The following C4orf50 variants were observed in gnomAD, a reference collection of about 807,000 sequenced individuals.
C4orf50 encodes chromosome 4 open reading frame 50.
A neutral mutation model predicts 77.2 loss-of-function variants in C4orf50; 80 were observed. The observed-to-expected ratio is 1.04, with a 90% CI of 0.87 to 1.25. The LOEUF is 1.25. Ranked by LOEUF, C4orf50 falls within the 50% of genes most tolerant of loss-of-function variation. The pLI is 0.00. For synonymous variants in C4orf50, 532 were observed against 465.3 expected (o/e 1.14, Z -1.84); for missense variants, 1,257 against 1,152.9 (o/e 1.09, Z -1.31).
chr4:5,936,886 T>C (rs1227741505), intron 7 of C4orf50, among the ~76,000 whole-genome samples: 8 of 152,044 alleles, frequency 5.3e-5, no homozygotes, highest in Non-Finnish European at 1.0e-4. Flanking sequence ...AGAAATTGAT[T>C]ACCTAAAAGT....
intron 7 of C4orf50, chr4:5,902,776 A>G (rs1716395772): frequency 6.6e-6 from 1 of 152,160 alleles, no homozygotes; most frequent in African/African-American, 2.4e-5. Flanking sequence ...CTGTCTTCAC[A>G]ATACTTCACG....
At chr4:5,965,181 G>C (rs370687802) in intron 32 of C4orf50, 36 bp from the exon 11 acceptor site, 23 of 1,600,162 alleles carry the variant, frequency 1.4e-5, no homozygotes, top group African/African-American at 2.7e-5. Context: ...CCTCCACCCA[G>C]GAACCTAGGT....
intron 7 of C4orf50, among the ~76,000 whole-genome samples, chr4:5,931,660 G>T (rs1422797389): frequency 1.3e-5 from 2 of 152,108 alleles, no homozygotes; most frequent in Non-Finnish European, 2.9e-5. Flanking sequence ...CAGCCCTTGT[G>T]ATGTCTGACG....
Position 6,018,224 on chromosome 4 carries a change from T to C in C4orf50, c.208A>G (p.Arg70Gly), listed in dbSNP as rs1349212981. 3 of 399,024 alleles carry C rather than the reference T, an allele frequency of 7.5e-6. No individual in the cohort carries two copies. The highest frequency in any genetic ancestry group is 1.3e-5 in the Non-Finnish European group (3 of 226,082). The allele number at this position is 399,024 out of a possible 1,614,324, so 24.7% of individuals were successfully genotyped here. ...TTCTGCTCGGAGGACTCCAGCTGCC[T>C]CCTGAGCGCACCCATATCCATGTCT... The change falls in exon 23 of 34, where the codon AGG becomes GGG. Residue 70 changes from arginine (R) to glycine (G), a missense_variant. Transcript: ENST00000531445. The surrounding 1 kb of genome is among the most constrained non-coding windows in gnomAD (Gnocchi z 5.1).
rs536408953 is a variant in C4orf50 at position 5,904,367 on chromosome 4, G to A, written c.*2475-6179C>T. 1.3e-5 allele frequency: 2 copies of A among 152,414 alleles called. 1 individual carries two copies. The highest frequency in any genetic ancestry group is 4.1e-4 in the South Asian group (2 of 4,824). 9.4% of individuals were successfully genotyped at this position (152,414 alleles called of 1,614,324 possible). ...GAGCTGAAATGAGGCTGCATGCCTG[G>A]GCACTTTGGGGTGCTGTGGTCAGTT... On this transcript the variant is annotated intron_variant, in intron 7 of 7. Transcript: ENST00000324058.
At position 6,018,165 on chromosome 4, in the gene C4orf50, C is replaced by T. The variant is rs763263586; in HGVS notation, c.267G>A (p.Ser89=). The change falls in exon 23 of 34, where the codon TCG becomes TCA. Residue 89 remains serine, a synonymous_variant. Coordinates refer to ENST00000531445, the Ensembl canonical transcript of C4orf50. The surrounding 1 kb of genome is among the most constrained non-coding windows in gnomAD (Gnocchi z 5.1). ...GCTACCTGCTTCTCAGCCCGGACTCCGATGTCACGTACTTGTCCTCTGCTG... is the reference window on the plus strand; with the variant it reads ...GCTACCTGCTTCTCAGCCCGGACTCTGATGTCACGTACTTGTCCTCTGCTG... The T allele has an allele frequency of 4.0e-5, 16 of 398,854 alleles. No individual in the cohort carries two copies. Among genetic ancestry groups the T allele is most frequent in the Non-Finnish European group, 5.3e-5 (12 of 226,080 alleles). 24.7% of individuals were successfully genotyped at this position (398,854 alleles called of 1,614,324 possible). A position where few individuals can be genotyped will look rare whatever the true frequency, so the allele number is the denominator to read the frequency against.
Position 5,919,450 on chromosome 4 carries a change from A to AG in C4orf50, c.*2475-21263dup, listed in dbSNP as rs1717173467. On this transcript the variant is annotated intron_variant, in intron 7 of 7. Coordinates refer to the C4orf50 transcript ENST00000324058. The surrounding 1 kb of genome is among the most constrained non-coding windows in gnomAD (Gnocchi z 6.5). ...GGGTGGGGGGCACACCCTTTCCTAA[A>AG]GGGGACTCACCTGCCTCATGCCTCA... 6.6e-6 allele frequency among the ~76,000 whole-genome samples: 1 copy of AG among 152,146 alleles called. No homozygotes were observed.
rs1318734229 is a variant in C4orf50 at position 6,015,665 on chromosome 4, G to T, written c.287+2480C>A. 6.6e-6 allele frequency among the ~76,000 whole-genome samples: 1 copy of T among 152,166 alleles called. No individual in the cohort carries two copies. The highest frequency in any genetic ancestry group is 1.5e-5 in the Non-Finnish European group (1 of 68,026). On this transcript the variant is annotated intron_variant, in intron 23 of 33. Transcript: ENST00000531445. The surrounding 1 kb of genome is among the most constrained non-coding windows in gnomAD (Gnocchi z 4.4). ...GCTTGGCGGCCAGAAGTCGGAATCA[G>T]TCTTCCTGAGCTAGTCGAGCTGTCA...
chr4:5,974,055 A>G (rs1314870827), intron 30 of C4orf50, among the ~76,000 whole-genome samples: 1 of 152,164 alleles, frequency 6.6e-6, no homozygotes, highest in East Asian at 1.9e-4. Flanking sequence ...GGGGCTCCGC[A>G]CTGCCCTTTC....
At chr4:6,003,696 TA>T (rs1238720088) in intron 25 of C4orf50, among the ~76,000 whole-genome samples, 1 of 137,718 alleles carries the variant, frequency 7.3e-6, no homozygotes, top group South Asian at 2.4e-4. Flanking sequence ...ATGGTGATGA[TA>T]GTGATGGTGA....
chr4:5,904,829 G>C lies in C4orf50; in HGVS notation c.*2475-6641C>G, dbSNP rs990712862. On this transcript the variant is annotated intron_variant, in intron 7 of 7. Transcript: ENST00000324058. ...CTATAATATCAAGATAACTACTACA[G>C]TGATTTTTTAAAACCATCATCCTAT... The C allele has an allele frequency of 2.6e-5, 4 of 152,148 alleles. No individual in the cohort carries two copies. In the South Asian group the frequency reaches 8.3e-4, roughly 32 times the overall value. 9.4% of individuals were successfully genotyped at this position (152,148 alleles called of 1,614,324 possible).
At chr4:5,975,076 G>A (rs1293637797) in intron 30 of C4orf50, among the ~76,000 whole-genome samples, 2 of 143,210 alleles carry the variant, frequency 1.4e-5, no homozygotes, top group African/African-American at 5.2e-5. Context: ...GGAGGCAGAG[G>A]TTGCAGTGAG....
chr4:6,014,269 T>C (rs1722601365), intron 23 of C4orf50, among the ~76,000 whole-genome samples: 1 of 152,180 alleles, frequency 6.6e-6, no homozygotes, highest in African/African-American at 2.4e-5. Flanking sequence ...CCCAAAGTGC[T>C]GGGATTACAG....
Position 5,972,008 on chromosome 4 carries a change from A to ATT in C4orf50, c.4104+1649_4104+1650dup, listed in dbSNP as rs33971925. 4.5e-3 allele frequency among the ~76,000 whole-genome samples: 630 copies of ATT among 140,120 alleles called. 4 individuals carry two copies. The highest frequency in any genetic ancestry group is 0.01 in the African/African-American group (393 of 37,942). 91.9% of individuals were successfully genotyped at this position (140,120 alleles called of 152,430 possible). A position where few individuals can be genotyped will look rare whatever the true frequency, so the allele number is the denominator to read the frequency against. ...TTCACAACCTGGAACTCTGCTTTCG[A>ATT]TTTTTTTTTTTTTTTTTGACACAGT... On this transcript the variant is annotated intron_variant, in intron 31 of 33. Coordinates refer to ENST00000531445, the Ensembl canonical transcript of C4orf50.
chr4:5,959,372 C>G lies in C4orf50; in HGVS notation c.*3G>C, dbSNP rs1241089084. On this transcript the variant is annotated 3_prime_UTR_variant, in exon 34 of 34. Coordinates refer to ENST00000531445, the Ensembl canonical transcript of C4orf50. The stretch of plus-strand genomic sequence containing the variant: ...AAATGGCTCCGGAGAATGAGTGGCC[C>G]TATTACATTTCTAACTCCAGCGGTG... 1 of 1,612,566 alleles carries G rather than the reference C, an allele frequency of 6.2e-7. No individual in the cohort carries two copies. Among genetic ancestry groups the G allele is most frequent in the Non-Finnish European group, 8.5e-7 (1 of 1,178,772 alleles).
At chr4:5,969,653 C>A (rs1170201579) in intron 31 of C4orf50, among the ~76,000 whole-genome samples, 1 of 151,972 alleles carries the variant, frequency 6.6e-6, no homozygotes, top group Non-Finnish European at 1.5e-5. Flanking sequence ...AGGTGCTGTG[C>A]CAGGCATTTG....
In C4orf50 at chr4:5,916,429, T is replaced by G. The variant is rs1717031222; in HGVS notation, c.*2475-18241A>C. On this transcript the variant is annotated intron_variant, in intron 7 of 7. Coordinates refer to the C4orf50 transcript ENST00000324058. The surrounding 1 kb of genome is among the most constrained non-coding windows in gnomAD (Gnocchi z 4.4). ...GGGAGCCAGGACCTGCCCCCAGAGC[T>G]CAGACCCCAGGCACTGGGTTGTTTT... 6.6e-6 allele frequency among the ~76,000 whole-genome samples: 1 copy of G among 151,906 alleles called. No homozygotes were observed. Among genetic ancestry groups the G allele is most frequent in the African/African-American group, 2.4e-5 (1 of 41,334 alleles).
rs1003764365 is a variant in C4orf50, at chr4:5,970,563, G to A, written c.4104+3096C>T. On this transcript the variant is annotated intron_variant, in intron 31 of 33. Transcript: ENST00000531445. The surrounding 1 kb of genome is among the most constrained non-coding windows in gnomAD (Gnocchi z 4.3). ...ACAGACAGCGGTGCTGGGACCCGTG[G>A]CCCCCAGCCCAACACCACATGCCTG... Among the ~76,000 whole-genome samples, 1 of 152,160 alleles carries A rather than the reference G, an allele frequency of 6.6e-6. No homozygotes were observed. Among genetic ancestry groups the A allele is most frequent in the Non-Finnish European group, 1.5e-5 (1 of 68,026 alleles).
At chr4:5,935,245 G>A (rs764685744) in intron 7 of C4orf50, among the ~76,000 whole-genome samples, 1 of 152,200 alleles carries the variant, frequency 6.6e-6, no homozygotes, top group African/African-American at 2.4e-5. Context: ...GATGCAGTTC[G>A]ACATGGACGC....
Sources: allele counts gnomAD v4.1 joint callset (sites outside exome capture counted in the v4.1 genomes callset), GRCh38; gene constraint gnomAD v4.1.1; non-coding constraint Gnocchi (gnomAD v3.1); transcripts MANE v1.5; gene names NCBI Gene and HGNC (gene_info 2026-07-23, HGNC 2026-07-21).